EBF2: variants seen among roughly 807,000 people sequenced by gnomAD.
The protein encoded by EBF2 is transcription factor COE2.
In EBF2, 21 loss-of-function variants were observed where a neutral mutation model predicts 72.8. The observed-to-expected ratio is 0.29, with a 90% CI of 0.20 to 0.42. The LOEUF (loss-of-function observed/expected upper bound fraction) is 0.42, where lower values mean the gene tolerates loss of function less well. Ranked by LOEUF, EBF2 falls within the 10% of genes least tolerant of loss-of-function variation. EBF2 has a pLI of 1.00. For synonymous variants in EBF2, 299 were observed against 274.2 expected, an observed-to-expected ratio of 1.09 and a Z score of -0.89; for missense variants, 637 against 731.2, an observed-to-expected ratio of 0.87 and a Z score of 1.49.
At position 25,904,664 on chromosome 8, in the gene EBF2, C is replaced by T. The variant is rs528795999; in HGVS notation, c.633+3810G>A. Among the ~76,000 whole-genome samples the T allele has an allele frequency of 3.3e-5, 5 of 152,234 alleles. No individual in the cohort carries two copies. In the East Asian group the frequency reaches 9.7e-4, roughly 29 times the overall value. On this transcript the variant is annotated intron_variant, in intron 7 of 15. Coordinates refer to ENST00000520164, the MANE Select transcript of EBF2 (RefSeq NM_022659.4). Reference sequence around the variant, plus strand: ...TACTCTAGGAATTTCTGAAAGTCACCATCCATTCAGATGACTGTCCTACCA... The same window carrying T: ...TACTCTAGGAATTTCTGAAAGTCACTATCCATTCAGATGACTGTCCTACCA...
At chr8:25,890,226 G>A (rs1802755787) in intron 7 of EBF2, among the ~76,000 whole-genome samples, 1 of 152,176 alleles carries the variant, frequency 6.6e-6, no homozygotes, top group Non-Finnish European at 1.5e-5. Context: ...CCATGTGGAA[G>A]CTGAGATCTA....
At chr8:25,883,676 C>A (rs1481098379) in intron 10 of EBF2, among the ~76,000 whole-genome samples, 1 of 152,076 alleles carries the variant, frequency 6.6e-6, no homozygotes, top group Non-Finnish European at 1.5e-5. Context: ...ATGTCTACAT[C>A]AATTGCGCTA....
In EBF2 at chr8:25,844,613, A is replaced by G; in HGVS notation, c.1724T>C (p.Met575Thr). The part of the protein sequence containing the change: ...RAMTGLVVPP[M>T] ...CTATAAGAAAGCAGTTCTTCTTTAC[A>G]TCGGGGGTACAACAAGTCCGGTCAT... The change falls in exon 16 of 16, where the codon ATG becomes ACG. Residue 575 changes from methionine to threonine, a missense_variant. Met to Thr is a moderately conservative substitution (Grantham distance 81). This residue lies in a region of EBF2 where 259 missense variants were observed against 268.1 expected (regional missense o/e 0.97). Coordinates refer to ENST00000520164, the MANE Select transcript of EBF2 (RefSeq NM_022659.4). 3 of 1,614,016 alleles carry G rather than the reference A, an allele frequency of 1.9e-6. No homozygotes were observed. The highest frequency in any genetic ancestry group is 2.5e-6 in the Non-Finnish European group (3 of 1,179,886).
chr8:25,904,072 T>C (rs1802996639), intron 7 of EBF2, among the ~76,000 whole-genome samples: 2 of 152,238 alleles, frequency 1.3e-5, no homozygotes, highest in South Asian at 2.1e-4. Flanking sequence ...AGGATGCCTA[T>C]TGGGCTTTAA....
Position 25,919,425 on chromosome 8 carries a change from G to A in EBF2, c.552-10870C>T, listed in dbSNP as rs369523816. ...TTTAGAGCAAATAGAGAGCTCCCTG[G>A]CCCTTCCACTCAGCAAAGTCACTAT... On this transcript the variant is annotated intron_variant, in intron 6 of 15. Transcript: ENST00000520164. Among the ~76,000 whole-genome samples the A allele has an allele frequency of 1.1e-4, 16 of 152,216 alleles. No individual in the cohort carries two copies. In the East Asian group the frequency reaches 1.9e-3, roughly 18 times the overall value.
chr8:25,986,332 T>C (rs935991330), intron 6 of EBF2, among the ~76,000 whole-genome samples: 1 of 152,154 alleles, frequency 6.6e-6, no homozygotes. Flanking sequence ...CAGTCTACTC[T>C]AACTTCTCTC....
intron 6 of EBF2, among the ~76,000 whole-genome samples, chr8:25,990,991 T>C (rs577472491): frequency 2.0e-5 from 3 of 152,336 alleles, no homozygotes; most frequent in Non-Finnish European, 4.4e-5. Flanking sequence ...CCTAGCTGAA[T>C]GGCAGCTAAT....
chr8:25,945,437 G>C (rs577105602), intron 6 of EBF2, among the ~76,000 whole-genome samples: 16 of 151,958 alleles, frequency 1.1e-4, no homozygotes, highest in African/African-American at 3.9e-4. Flanking sequence ...TTTTTCTCTG[G>C]CTCTTGGCCT....
chr8:25,844,953 G>A (rs1801802584), intron 15 of EBF2, among the ~76,000 whole-genome samples: 1 of 152,174 alleles, frequency 6.6e-6, no homozygotes, highest in African/African-American at 2.4e-5. Flanking sequence ...AAACTAAACT[G>A]TAATATATGC....
At chr8:25,856,522 TCA>T (rs1057248485) in intron 14 of EBF2, among the ~76,000 whole-genome samples, 1 of 152,252 alleles carries the variant, frequency 6.6e-6, no homozygotes, top group African/African-American at 2.4e-5. Context: ...TGTATCCATG[TCA>T]CAAGGTTGTT....
chr8:25,952,419 A>T (rs1046907119), intron 6 of EBF2, among the ~76,000 whole-genome samples: 7 of 152,060 alleles, frequency 4.6e-5, no homozygotes, highest in Admixed American at 4.6e-4. Context: ...ATGCATTTTA[A>T]ATAAAAATAA....
At chr8:26,001,845 A>G (rs551277122) in intron 6 of EBF2, among the ~76,000 whole-genome samples, 5 of 152,142 alleles carry the variant, frequency 3.3e-5, no homozygotes, top group Middle Eastern at 3.4e-3. Flanking sequence ...CACCACACCC[A>G]GCCCTGCATT....
At chr8:25,862,274 A>ATTT (rs71734311) in intron 11 of EBF2, among the ~76,000 whole-genome samples, 17,776 of 152,192 alleles carry the variant, frequency 0.12, 1,111 homozygotes, top group Middle Eastern at 0.17. Flanking sequence ...TTTCATAGAA[A>ATTT]TTTTATACAG....
chr8:26,002,868 A>AGGCGGGCAGGCG (rs1563204648), intron 6 of EBF2, among the ~76,000 whole-genome samples: 4 of 111,266 alleles, frequency 3.6e-5, no homozygotes, highest in African/African-American at 1.2e-4. Context: ...GCAGGCGGGC[A>AGGCGGGCAGGCG]GGCGGGCAGG....
chr8:25,935,847 T>G (rs910387750), intron 6 of EBF2, among the ~76,000 whole-genome samples: 1 of 152,204 alleles, frequency 6.6e-6, no homozygotes, highest in African/African-American at 2.4e-5. Context: ...GAAATGCAAT[T>G]TAAATATTCC....
chr8:26,019,534 C>T (rs62499127), intron 6 of EBF2, among the ~76,000 whole-genome samples: 1,747 of 152,236 alleles, frequency 0.011, 23 homozygotes, highest in Non-Finnish European at 0.017. Flanking sequence ...AGCCAGAATC[C>T]AACAGATCAT....
At chr8:26,016,548 C>A (rs1443569100) in intron 6 of EBF2, among the ~76,000 whole-genome samples, 2 of 152,142 alleles carry the variant, frequency 1.3e-5, no homozygotes. Context: ...AGAGGAGGGC[C>A]TGAATGCTTT....
At chr8:25,903,041 C>G (rs148549794) in intron 7 of EBF2, among the ~76,000 whole-genome samples, 1 of 152,142 alleles carries the variant, frequency 6.6e-6, no homozygotes, top group South Asian at 2.1e-4. Flanking sequence ...AGTTGATACC[C>G]ATTTTAGTAG....
At chr8:26,039,965 G>A in intron 5 of EBF2, 63 bp downstream of exon 5, 8 of 1,572,124 alleles carry the variant, frequency 5.1e-6, no homozygotes, top group South Asian at 4.4e-5. Flanking sequence ...AACGCGGCGC[G>A]CCAAGGCGGG....
Sources: gnomAD v4.1 joint callset for allele counts (sites outside exome capture counted in the v4.1 genomes callset) on GRCh38, gnomAD v4.1.1 for gene constraint, gnomAD v4.1.1 regional missense constraint, MANE v1.5 for transcripts, NCBI Gene and HGNC (gene_info 2026-07-23, HGNC 2026-07-21) for gene names.